SLC15A5: variants seen among roughly 807,000 people sequenced by gnomAD.
The protein encoded by SLC15A5 is solute carrier family 15 member 5, also known as Peptide/histidine transporter ENSP00000340402.
A neutral mutation model predicts 56.1 loss-of-function variants in SLC15A5; 58 were observed. The ratio of observed to expected loss-of-function variants is 1.03; its 90% CI spans 0.84 to 1.29. The LOEUF (loss-of-function observed/expected upper bound fraction) is 1.29. Ranked by LOEUF, SLC15A5 falls within the 50% of genes most tolerant of loss-of-function variation. The pLI is 0.00. For missense variants in SLC15A5, 681 were observed against 672.1 expected, an observed-to-expected ratio of 1.01 and a Z score of -0.15; for synonymous variants, 264 against 250.5, an observed-to-expected ratio of 1.05 and a Z score of -0.51.
intron 8 of SLC15A5, among the ~76,000 whole-genome samples, chr12:16,194,053 C>T (rs988548967): frequency 2.0e-5 from 3 of 152,034 alleles, no homozygotes; most frequent in South Asian, 2.1e-4. Context: ...ATGATTCACT[C>T]GTTCTTATTA....
intron 7 of SLC15A5, among the ~76,000 whole-genome samples, chr12:16,213,583 T>C (rs977965908): frequency 6.6e-6 from 1 of 152,194 alleles, no homozygotes; most frequent in African/African-American, 2.4e-5. Context: ...ACATCTTCTA[T>C]TTTTGGTACT....
chr12:16,210,796 C>T (rs866190256), intron 7 of SLC15A5, among the ~76,000 whole-genome samples: 1 of 152,206 alleles, frequency 6.6e-6, no homozygotes, highest in African/African-American at 2.4e-5. Context: ...CTGTTGCTTT[C>T]CATAGTCTAA....
In SLC15A5 at chr12:16,214,979, C is replaced by T. The variant is rs372290854; in HGVS notation, c.1483+1914G>A. ...CAGCACTTTGGGAGGCCGAGGCGGG[C>T]GGATCACGAGGTCAAGAGATTGAGA... On this transcript the variant is annotated intron_variant, in intron 7 of 8. Transcript: ENST00000344941. Among the ~76,000 whole-genome samples the T allele has an allele frequency of 2.5e-3, 380 of 151,600 alleles. 3 individuals are homozygous for T. Among genetic ancestry groups the T allele is most frequent in the African/African-American group, 8.3e-3 (344 of 41,376 alleles).
intron 2 of SLC15A5, among the ~76,000 whole-genome samples, chr12:16,270,970 C>G (rs1346870851): frequency 1.3e-5 from 2 of 152,158 alleles, no homozygotes; most frequent in Non-Finnish European, 2.9e-5. Flanking sequence ...AAATAACAGC[C>G]TGATTCTTTA....
chr12:16,266,421 CTT>C (rs1864696998), intron 2 of SLC15A5, among the ~76,000 whole-genome samples: 1 of 152,170 alleles, frequency 6.6e-6, no homozygotes, highest in African/African-American at 2.4e-5. Context: ...TATTCCAAGA[CTT>C]AAATCTTGTG....
At chr12:16,227,541 A>G (rs909731758) in intron 5 of SLC15A5, among the ~76,000 whole-genome samples, 11 of 152,324 alleles carry the variant, frequency 7.2e-5, no homozygotes, top group African/African-American at 2.6e-4. Flanking sequence ...GAAGGGTTTC[A>G]GTACGAAAAG....
chr12:16,196,591 C>T lies in SLC15A5; in HGVS notation c.1484-2138G>A, dbSNP rs976869367. Among the ~76,000 whole-genome samples, 9 of 152,070 alleles carry T rather than the reference C, an allele frequency of 5.9e-5. No homozygotes were observed. The highest frequency in any genetic ancestry group is 1.7e-4 in the African/African-American group (7 of 41,422). The stretch of plus-strand genomic sequence containing the variant: ...TTGAATTAATATCCCAATTGTATTT[C>T]TGTCCTTTTCATTTCACATCAGCAC... On this transcript the variant is annotated intron_variant, in intron 7 of 8. Transcript: ENST00000344941. This position sits in a 1 kb window ranked among gnomAD's most constrained non-coding sequence, Gnocchi z 4.0.
At chr12:16,246,288 T>A (rs1237718635) in intron 3 of SLC15A5, among the ~76,000 whole-genome samples, 1 of 152,166 alleles carries the variant, frequency 6.6e-6, no homozygotes, top group Non-Finnish European at 1.5e-5. Context: ...GAGGCCAAGA[T>A]TTGTTTCTCT....
chr12:16,238,759 T>C (rs1040596243), intron 5 of SLC15A5, among the ~76,000 whole-genome samples: 10 of 152,160 alleles, frequency 6.6e-5, no homozygotes, highest in Non-Finnish European at 1.2e-4. Context: ...TTGCATGATA[T>C]TACTTAAGAA....
chr12:16,270,624 A>G (rs1251107746), intron 2 of SLC15A5, among the ~76,000 whole-genome samples: 2 of 152,178 alleles, frequency 1.3e-5, no homozygotes. Context: ...TAAGTGATAC[A>G]ATAGCTCTCC....
intron 1 of SLC15A5, among the ~76,000 whole-genome samples, chr12:16,275,346 C>A (rs929702690): frequency 6.6e-6 from 1 of 152,016 alleles, no homozygotes; most frequent in African/African-American, 2.4e-5. Flanking sequence ...TGTTGAACAA[C>A]AAGTCTAGAG....
chr12:16,245,350 A>C (rs1281572902), intron 3 of SLC15A5, among the ~76,000 whole-genome samples: 1 of 152,172 alleles, frequency 6.6e-6, no homozygotes, highest in Non-Finnish European at 1.5e-5. Flanking sequence ...GATTTTATGC[A>C]TGTTGATAGT....
At chr12:16,217,915 T>A (rs1326630771) in intron 6 of SLC15A5, among the ~76,000 whole-genome samples, 6 of 152,264 alleles carry the variant, frequency 3.9e-5, no homozygotes, top group African/African-American at 1.2e-4. Context: ...AAAATTTTTT[T>A]AAATTTTCAA....
intron 7 of SLC15A5, among the ~76,000 whole-genome samples, chr12:16,195,014 G>C (rs537368472): frequency 6.6e-6 from 1 of 152,044 alleles, no homozygotes; most frequent in South Asian, 2.1e-4. Context: ...GCAATCTCTG[G>C]CTAACATGGA....
chr12:16,212,607 A>C (rs547586272), intron 7 of SLC15A5, among the ~76,000 whole-genome samples: 55 of 152,280 alleles, frequency 3.6e-4, no homozygotes, highest in African/African-American at 1.3e-3. Context: ...GTGAATTGGG[A>C]ACTGATTATA....
intron 8 of SLC15A5, among the ~76,000 whole-genome samples, chr12:16,193,288 G>A (rs1257320033): frequency 6.6e-6 from 1 of 152,056 alleles, no homozygotes; most frequent in Non-Finnish European, 1.5e-5. Context: ...ACACTTTGGA[G>A]TGTAAGAAAT....
chr12:16,259,675 C>T (rs924520476), intron 2 of SLC15A5, among the ~76,000 whole-genome samples: 3 of 152,122 alleles, frequency 2.0e-5, no homozygotes, highest in Non-Finnish European at 4.4e-5. Context: ...AGACTTGTTG[C>T]TGTGTGAGTA....
intron 5 of SLC15A5, among the ~76,000 whole-genome samples, chr12:16,231,177 A>C (rs1172246235): frequency 2.6e-5 from 4 of 152,186 alleles, no homozygotes; most frequent in Admixed American, 2.6e-4. Context: ...GCAGATTTAG[A>C]ATACTTTTAA....
chr12:16,191,192 A>G (rs1863835308), intron 8 of SLC15A5, among the ~76,000 whole-genome samples: 1 of 152,032 alleles, frequency 6.6e-6, no homozygotes, highest in South Asian at 2.1e-4. Flanking sequence ...CTGGCCTTAT[A>G]TTTATGGATA....
Sources: gnomAD v4.1 joint callset for allele counts (sites outside exome capture counted in the v4.1 genomes callset) on GRCh38, gnomAD v4.1.1 for gene constraint, Gnocchi (gnomAD v3.1) non-coding constraint, MANE v1.5 for transcripts, NCBI Gene and HGNC (gene_info 2026-07-23, HGNC 2026-07-21) for gene names.